The following VPS13D variants were observed in gnomAD, a reference collection of about 807,000 sequenced individuals.
VPS13D encodes the protein intermembrane lipid transfer protein VPS13D.
A neutral mutation model predicts 461.9 loss-of-function variants in VPS13D; 187 were observed. The observed-to-expected ratio is 0.40, with a 90% CI of 0.36 to 0.46. VPS13D has a LOEUF of 0.46. Among genes scored for constraint, VPS13D ranks in the 20% least tolerant of loss-of-function variants. The probability of loss-of-function intolerance (pLI) is 0.60; values close to 1 mark genes in which losing one functional copy is unlikely to be tolerated. For missense variants in VPS13D, 4,711 were observed against 5,364.9 expected, an observed-to-expected ratio of 0.88 and a Z score of 3.81; for synonymous variants, 1,951 against 1,986.3, an observed-to-expected ratio of 0.98 and a Z score of 0.47.
chr1:12,483,484 G>T (rs1265233335), intron 67 of VPS13D, among the ~76,000 whole-genome samples: 2 of 151,584 alleles, frequency 1.3e-5, no homozygotes, highest in East Asian at 3.9e-4. Context: ...TTTTTAGTGT[G>T]TGGTTTTTTT....
intron 67 of VPS13D, among the ~76,000 whole-genome samples, chr1:12,466,871 G>A (rs544597148): frequency 1.5e-3 from 226 of 152,360 alleles, no homozygotes; most frequent in African/African-American, 5.0e-3. Flanking sequence ...ATATCCAGCT[G>A]AAGGGAAGGG....
At chr1:12,411,470 A>C (rs79382551) in intron 63 of VPS13D, among the ~76,000 whole-genome samples, 4,226 of 150,736 alleles carry the variant, frequency 0.028, 107 homozygotes, top group African/African-American at 0.061. Flanking sequence ...CTGTCTCTAC[A>C]AAAATGGAAG....
rs750515525 is a variant in VPS13D, at chr1:12,276,151, C to T, written c.2563C>T (p.His855Tyr). ...PTHVVEKFNV[H>Y]LQLERRLIYT... is the part of the protein sequence containing the mutation. Reference sequence around the variant, plus strand: ...ACATGTGGTAGAGAAGTTCAACGTTCACCTACAGTTAGAGCGTCGATTGAT... The same window carrying T: ...ACATGTGGTAGAGAAGTTCAACGTTTACCTACAGTTAGAGCGTCGATTGAT... Residue 855 changes from histidine to tyrosine, a missense_variant, in exon 19 of 70, where the codon CAC (histidine) becomes TAC (tyrosine). By Grantham distance (83) the His-to-Tyr change is moderately conservative (BLOSUM62 2). Around this residue, in one of 3 missense-constraint regions of VPS13D, gnomAD observed 4,411 missense variants for 4,937.8 expected, o/e 0.89. Coordinates refer to ENST00000620676, the MANE Select transcript of VPS13D (RefSeq NM_015378.4). The surrounding 1 kb of genome is among the most constrained non-coding windows in gnomAD (Gnocchi z 4.5). 6.2e-7 allele frequency: 1 copy of T among 1,614,154 alleles called. No homozygotes were observed. Among genetic ancestry groups the T allele is most frequent in the Non-Finnish European group, 8.5e-7 (1 of 1,180,026 alleles).
Position 12,368,537 on chromosome 1 carries a change from A to G in VPS13D, c.10518A>G (p.Ser3506=). 2 of 1,613,902 alleles carry G rather than the reference A, an allele frequency of 1.2e-6. No individual in the cohort carries two copies. Among genetic ancestry groups the G allele is most frequent in the Non-Finnish European group, 1.7e-6 (2 of 1,179,858 alleles). The change falls in exon 53 of 70, where the codon TCA becomes TCG. Residue 3506 remains serine, a synonymous_variant. Coordinates refer to ENST00000620676, the MANE Select transcript of VPS13D (RefSeq NM_015378.4). ...ITLRGATYRI[S]FSDTDQLPPP... ...TCCGAGGAGCTACGTATAGGATCTC[A>G]TTTAGTGACACAGATCAGTTACCTC...
intron 68 of VPS13D, chr1:12,500,008 T>C (rs1646014392): frequency 1.0e-6 from 1 of 985,444 alleles, no homozygotes; most frequent in Non-Finnish European, 1.2e-6. Flanking sequence ...AATACCTTGC[T>C]CTACTGTTCT....
chr1:12,439,121 C>T lies in VPS13D; in HGVS notation c.12334-16877C>T, dbSNP rs186007324. On this transcript the variant is annotated intron_variant, in intron 65 of 69. Coordinates refer to ENST00000620676, the MANE Select transcript of VPS13D (RefSeq NM_015378.4). ...GTCAAAACATAACAGATTTGGTCAC[C>T]CAGCCCCTCCAGAGGCTTCCCGTTT... 2.7e-4 allele frequency among the ~76,000 whole-genome samples: 41 copies of T among 152,270 alleles called. No homozygotes were observed. In the East Asian group the frequency reaches 7.3e-3, roughly 27 times the overall value.
chr1:12,363,027 A>G (rs370200821), intron 51 of VPS13D, 45 bp from the exon 52 acceptor site: 9 of 1,605,796 alleles, frequency 5.6e-6, no homozygotes, highest in Non-Finnish European at 6.0e-6. Context: ...ACTTATTGTC[A>G]TGAATCGACT....
chr1:12,360,115 G>A (rs945488203), intron 50 of VPS13D, among the ~76,000 whole-genome samples: 4 of 152,312 alleles, frequency 2.6e-5, no homozygotes, highest in Non-Finnish European at 5.9e-5. Flanking sequence ...TATGCTAGGA[G>A]CATTCACTAA....
rs1032873659 is a variant in VPS13D at position 12,354,039 on chromosome 1, G to A, written c.9497G>A (p.Ser3166Asn). The A allele has an allele frequency of 1.2e-6, 2 of 1,614,036 alleles. No homozygotes were observed. The highest frequency in any genetic ancestry group is 2.7e-5 in the African/African-American group (2 of 74,914). ...ATGCCCTCAAACATATTTTCTGACA[G>A]TGCAAAACAGATTTTCAGACAGCCT... ...DYMPSNIFSD[S>N]AKQIFRQPGH... is the part of the protein sequence containing the mutation. The change falls in exon 47 of 70, where the codon AGT becomes AAT. Residue 3166 changes from serine (S) to asparagine (N), a missense_variant. Coordinates refer to ENST00000620676, the MANE Select transcript of VPS13D (RefSeq NM_015378.4).
chr1:12,487,480 G>A (rs957324220), intron 67 of VPS13D, among the ~76,000 whole-genome samples: 27 of 151,996 alleles, frequency 1.8e-4, no homozygotes, highest in African/African-American at 4.3e-4. Context: ...GCATGGTGCC[G>A]TATACCTGTA....
intron 65 of VPS13D, among the ~76,000 whole-genome samples, chr1:12,449,415 C>T (rs1645233770): frequency 1.3e-5 from 2 of 150,974 alleles, no homozygotes; most frequent in African/African-American, 4.9e-5. Flanking sequence ...TTTTAAATGC[C>T]TCTTCCCAGC....
chr1:12,471,197 A>C (rs896072381), intron 67 of VPS13D, among the ~76,000 whole-genome samples: 2 of 152,156 alleles, frequency 1.3e-5, no homozygotes, highest in African/African-American at 2.4e-5. Context: ...GCTACTCAGG[A>C]GGCTGAGACA....
At chr1:12,332,312 G>A (rs554758949) in intron 37 of VPS13D, among the ~76,000 whole-genome samples, 35 of 152,336 alleles carry the variant, frequency 2.3e-4, no homozygotes, top group Non-Finnish European at 5.0e-4. Context: ...ATGTCTTTCA[G>A]AAGTAGAATG....
chr1:12,281,003 G>A (rs1641762651), intron 20 of VPS13D, among the ~76,000 whole-genome samples: 1 of 151,628 alleles, frequency 6.6e-6, no homozygotes, highest in Non-Finnish European at 1.5e-5. Flanking sequence ...AGTCTAATGA[G>A]CTTTATGTGC....
chr1:12,389,244 A>C (rs1338327306), intron 60 of VPS13D, among the ~76,000 whole-genome samples: 1 of 152,190 alleles, frequency 6.6e-6, no homozygotes, highest in African/African-American at 2.4e-5. Flanking sequence ...TGCCTTTCCC[A>C]GCCCACTGAC....
At chr1:12,238,999 G>A (rs1352427739) in intron 2 of VPS13D, among the ~76,000 whole-genome samples, 11 of 151,992 alleles carry the variant, frequency 7.2e-5, no homozygotes, top group South Asian at 4.1e-4. Context: ...CAAATTATAC[G>A]GTAATACAAG....
chr1:12,325,939 G>A (rs1643169814), intron 35 of VPS13D, among the ~76,000 whole-genome samples: 1 of 147,818 alleles, frequency 6.8e-6, no homozygotes, highest in Non-Finnish European at 1.5e-5. Flanking sequence ...CCAGACCAAA[G>A]GGTATAGATA....
chr1:12,315,302 T>C (rs1428186568), intron 30 of VPS13D, among the ~76,000 whole-genome samples: 2 of 152,276 alleles, frequency 1.3e-5, no homozygotes, highest in African/African-American at 4.8e-5. Context: ...TCTGTATGCC[T>C]GACATTTCAA....
In VPS13D at chr1:12,244,409, A is replaced by G. The variant is rs370521005; in HGVS notation, c.339A>G (p.Leu113=). Reference sequence around the variant, plus strand: ...TGGAAAGGGAACGTAAGAAAGCACTACTTCAAGCCCTGGAGGAGAAATGGA... The same window carrying G: ...TGGAAAGGGAACGTAAGAAAGCACTGCTTCAAGCCCTGGAGGAGAAATGGA... ...KLLERERKKA[L]LQALEEKWKN... is the part of the protein sequence containing the mutation. Residue 113 remains leucine, a synonymous_variant, in exon 4 of 70, where the codon CTA becomes CTG. Transcript: ENST00000620676. 8.7e-6 allele frequency: 14 copies of G among 1,614,074 alleles called. No individual in the cohort carries two copies. The highest frequency in any genetic ancestry group is 1.3e-5 in the African/African-American group (1 of 74,928).
Sources: allele counts gnomAD v4.1 joint callset (sites outside exome capture counted in the v4.1 genomes callset), GRCh38; gene constraint gnomAD v4.1.1; regional missense constraint gnomAD v4.1.1; non-coding constraint Gnocchi (gnomAD v3.1); transcripts MANE v1.5; gene names NCBI Gene and HGNC (gene_info 2026-07-23, HGNC 2026-07-21).